The following SLC8A1 variants were observed in gnomAD, a reference collection of about 807,000 sequenced individuals.
The protein encoded by SLC8A1 is solute carrier family 8 member A1.
In SLC8A1, 18 loss-of-function variants were observed where a neutral mutation model predicts 68.3. The observed-to-expected ratio is 0.26, with a 90% confidence interval of 0.18 to 0.39. The LOEUF is 0.39. Ranked by LOEUF, SLC8A1 falls within the 10% of genes least tolerant of loss-of-function variation. The pLI, the probability that SLC8A1 is intolerant of heterozygous loss-of-function variation, is 1.00. For synonymous variants in SLC8A1, 475 were observed against 415.5 expected, an observed-to-expected ratio of 1.14 and a Z score of -1.74; for missense variants, 985 against 1,156.7, an observed-to-expected ratio of 0.85 and a Z score of 2.15.
At chr2:40,381,102 G>C (rs1234524350) in intron 2 of SLC8A1, among the ~76,000 whole-genome samples, 1 of 152,060 alleles carries the variant, frequency 6.6e-6, no homozygotes, top group Non-Finnish European at 1.5e-5. Flanking sequence ...AACCAGGCAA[G>C]CCAAATTTTC....
At chr2:40,147,074 G>A (rs1352791848) in intron 6 of SLC8A1, among the ~76,000 whole-genome samples, 1 of 152,164 alleles carries the variant, frequency 6.6e-6, no homozygotes, top group East Asian at 1.9e-4. Flanking sequence ...CATAGCACAA[G>A]AAATATTTAA....
At chr2:40,109,618 T>C (rs2034437503) in exon 8 of SLC8A1, 2 of 152,150 alleles carry the variant, frequency 1.3e-5, no homozygotes, top group African/African-American at 4.8e-5. Context: ...CTTTATAGCA[T>C]AAGCTCTTTC....
chr2:40,387,901 C>T (rs1240542338), intron 2 of SLC8A1, among the ~76,000 whole-genome samples: 1 of 141,512 alleles, frequency 7.1e-6, no homozygotes, highest in East Asian at 2.1e-4. Context: ...CATGCCACTG[C>T]ACTCCAGTCT....
At chr2:40,269,840 C>A (rs948884438) in intron 2 of SLC8A1, among the ~76,000 whole-genome samples, 6 of 151,822 alleles carry the variant, frequency 4.0e-5, no homozygotes, top group African/African-American at 1.5e-4. Flanking sequence ...TACACGTGCA[C>A]AATGTGCAGG....
At chr2:40,467,800 T>C (rs1281804603) in intron 1 of SLC8A1, among the ~76,000 whole-genome samples, 1 of 152,182 alleles carries the variant, frequency 6.6e-6, no homozygotes, top group Non-Finnish European at 1.5e-5. Flanking sequence ...TCTATTACAT[T>C]AATGATATTA....
chr2:40,483,105 A>C (rs1195823932), intron 1 of SLC8A1, among the ~76,000 whole-genome samples: 1 of 151,888 alleles, frequency 6.6e-6, no homozygotes, highest in African/African-American at 2.4e-5. Flanking sequence ...TGCCCGGCCC[A>C]CAGTTAGCAC....
chr2:40,282,726 G>A (rs1358938786), intron 2 of SLC8A1, among the ~76,000 whole-genome samples: 1 of 152,102 alleles, frequency 6.6e-6, no homozygotes, highest in Non-Finnish European at 1.5e-5. Context: ...TTTAAAGAGT[G>A]TCATCATTTT....
chr2:40,479,939 C>T (rs758425933), intron 1 of SLC8A1, among the ~76,000 whole-genome samples: 58 of 152,202 alleles, frequency 3.8e-4, no homozygotes, highest in Non-Finnish European at 6.0e-4. Flanking sequence ...TTCTTCCTGA[C>T]GCCACAGTCT....
rs181379802 is a variant in SLC8A1, at chr2:40,146,572, T to G, written c.2162-6896A>C. On this transcript the variant is annotated intron_variant, in intron 6 of 7. Coordinates refer to ENST00000406785, the Ensembl canonical transcript of SLC8A1. The stretch of plus-strand genomic sequence containing the variant: ...TTATTGTTATGTACTCACCATAATG[T>G]GGAATCAGTGGGAACCCTGAGCTTA... 4.3e-3 allele frequency among the ~76,000 whole-genome samples: 662 copies of G among 152,230 alleles called. 3 individuals are homozygous for G. The highest frequency in any genetic ancestry group is 0.02 in the Middle Eastern group (6 of 294).
intron 1 of SLC8A1, among the ~76,000 whole-genome samples, chr2:40,467,996 A>G (rs1703792632): frequency 6.6e-6 from 1 of 152,182 alleles, no homozygotes; most frequent in Non-Finnish European, 1.5e-5. Flanking sequence ...GGTTGTCTAT[A>G]ACATGAGAAT....
chr2:40,125,850 C>T (rs184860082), intron 7 of SLC8A1, among the ~76,000 whole-genome samples: 366 of 152,292 alleles, frequency 2.4e-3, no homozygotes, highest in Non-Finnish European at 4.1e-3. Context: ...TTCTCTCTCC[C>T]AGGGACGTAG....
intron 2 of SLC8A1, among the ~76,000 whole-genome samples, chr2:40,375,035 T>A (rs1679355127): frequency 6.6e-6 from 1 of 152,016 alleles, no homozygotes; most frequent in South Asian, 2.1e-4. Flanking sequence ...TCTGGCTGCT[T>A]GATAATGAAT....
At chr2:40,270,632 A>T (rs965948572) in intron 2 of SLC8A1, among the ~76,000 whole-genome samples, 3 of 152,244 alleles carry the variant, frequency 2.0e-5, no homozygotes, top group African/African-American at 7.2e-5. Flanking sequence ...ATGTGATTAG[A>T]TTGGAACCAC....
intron 1 of SLC8A1, among the ~76,000 whole-genome samples, chr2:40,482,967 T>C (rs893970965): frequency 3.1e-4 from 47 of 150,282 alleles, no homozygotes; most frequent in African/African-American, 1.0e-3. Flanking sequence ...TTTTTTTTTT[T>C]TTTCTTTTTT....
intron 2 of SLC8A1, among the ~76,000 whole-genome samples, chr2:40,216,657 A>G (rs1413895363): frequency 6.6e-6 from 1 of 152,172 alleles, no homozygotes; most frequent in Non-Finnish European, 1.5e-5. Context: ...TTGTGTCGCC[A>G]GTCTCTATTG....
chr2:40,455,447 C>G (rs746438994), upstream of SLC8A1, among the ~76,000 whole-genome samples: 13 of 152,272 alleles, frequency 8.5e-5, no homozygotes, highest in Middle Eastern at 3.4e-3. Flanking sequence ...TTAATACAGT[C>G]TTAGTCGTCC....
At chr2:40,262,359 T>G (rs55802866) in intron 2 of SLC8A1, among the ~76,000 whole-genome samples, 5,759 of 152,324 alleles carry the variant, frequency 0.038, 135 homozygotes, top group Middle Eastern at 0.065. Context: ...ATGCTTTCCA[T>G]TCTTCTCCAG....
intron 1 of SLC8A1, among the ~76,000 whole-genome samples, chr2:40,441,947 T>A (rs748416904): frequency 6.7e-6 from 1 of 150,144 alleles, no homozygotes. Flanking sequence ...AGCTTCTGCA[T>A]AGCAAAAGAA....
rs752454049 is a variant in SLC8A1, at chr2:40,481,524, A to C, written c.-25+30825T>G. ...AATGCAACCAGATTTTTTAGCTTCT[A>C]GTAGGATGTCTGATAACTGTTAGAT... On this transcript the variant is annotated intron_variant, in intron 1 of 7. Transcript: ENST00000402441. Among the ~76,000 whole-genome samples, 65 of 152,210 alleles carry C rather than the reference A, an allele frequency of 4.3e-4. 1 individual carries two copies. The highest frequency in any genetic ancestry group is 3.2e-3 in the Middle Eastern group (1 of 316).
Sources: gnomAD v4.1 joint callset for allele counts (sites outside exome capture counted in the v4.1 genomes callset) on GRCh38, gnomAD v4.1.1 for gene constraint, MANE v1.5 for transcripts, NCBI Gene and HGNC (gene_info 2026-07-23, HGNC 2026-07-21) for gene names.